Variants in MYLIP observed in about 807,000 individuals in gnomAD.
MYLIP encodes E3 ubiquitin-protein ligase MYLIP.
Under a neutral mutation model 45.8 loss-of-function variants are expected in MYLIP, and 26 were observed. The observed-to-expected ratio is 0.57, with a 90% CI of 0.42 to 0.79. The LOEUF is 0.79. Among genes scored for constraint, MYLIP ranks in the 30% least tolerant of loss-of-function variants. The probability of loss-of-function intolerance (pLI) is 0.00; values close to 1 mark genes in which losing one functional copy is unlikely to be tolerated. For missense variants in MYLIP, 494 were observed against 555.6 expected (o/e 0.89, Z 1.11); for synonymous variants, 213 against 218.1 (o/e 0.98, Z 0.21).
At chr6:16,130,845 T>C (rs1477547126) in intron 2 of MYLIP, 98 bp downstream of exon 2, 2 of 1,225,100 alleles carry the variant, frequency 1.6e-6, no homozygotes, top group Admixed American at 5.7e-5. Flanking sequence ...CAAGTTTGTT[T>C]TGATGCGGAG....
At position 16,145,278 on chromosome 6, in the gene MYLIP, C is replaced by T. The variant is rs145540269; in HGVS notation, c.1209C>T (p.Gly403=). 2.0e-5 allele frequency: 32 copies of T among 1,608,496 alleles called. No homozygotes were observed. Among genetic ancestry groups the T allele is most frequent in the Non-Finnish European group, 2.7e-5 (32 of 1,175,936 alleles). ...TCAACTCCACCTTCTGTCCCTGTGGCCACACTGTGTGCTGTGAGAGCTGCG... is the reference window on the plus strand; with the variant it reads ...TCAACTCCACCTTCTGTCCCTGTGGTCACACTGTGTGCTGTGAGAGCTGCG... ...EEINSTFCPC[G]HTVCCESCAA... Residue 403 remains glycine (G), a synonymous_variant, in exon 6 of 7, where the codon GGC becomes GGT. Coordinates refer to ENST00000356840, the MANE Select transcript of MYLIP (RefSeq NM_013262.4).
In MYLIP at chr6:16,142,824, T is replaced by C. The variant is rs1008094873; in HGVS notation, c.465-196T>C. 2.6e-5 allele frequency among the ~76,000 whole-genome samples: 4 copies of C among 152,262 alleles called. No individual in the cohort carries two copies. In the East Asian group the frequency reaches 5.8e-4, roughly 22 times the overall value. ...ATCCCCAAAGTGTTTTTACCAAGTA[T>C]TTAATAGTTGAGATCCCAGTGTCTT... is the stretch of plus-strand genomic sequence containing the variant. On this transcript the variant is annotated intron_variant, in intron 3 of 6. Transcript: ENST00000356840.
At chr6:16,144,742 A>T (rs1581608518) in intron 5 of MYLIP, among the ~76,000 whole-genome samples, 155 bp from the exon 6 acceptor site, 1 of 152,338 alleles carries the variant, frequency 6.6e-6, no homozygotes, top group Non-Finnish European at 1.5e-5. Context: ...ATCACTGAGA[A>T]TATTTACCAG....
At chr6:16,135,283 G>A (rs930003198) in intron 2 of MYLIP, among the ~76,000 whole-genome samples, 2 of 152,206 alleles carry the variant, frequency 1.3e-5, no homozygotes, top group Non-Finnish European at 2.9e-5. Flanking sequence ...TGTTTGCCTA[G>A]GATGGGGATC....
Position 16,130,630 on chromosome 6 carries a change from T to C in MYLIP, c.161T>C (p.Leu54Ser). ...TTTACGGGTAGCAAAGGTGAAAGTT[T>C]ATGGCTAAACCTGAGAAACCGGATC... is the stretch of plus-strand genomic sequence containing the variant. ...LQFTGSKGES[L>S]WLNLRNRISQ... Residue 54 changes from leucine to serine, a missense_variant, in exon 2 of 7, where the codon TTA (leucine) becomes TCA (serine). Transcript: ENST00000356840. The C allele has an allele frequency of 6.2e-7, 1 of 1,614,204 alleles. No homozygotes were observed. The highest frequency in any genetic ancestry group is 8.5e-7 in the Non-Finnish European group (1 of 1,180,030).
the MYLIP span, among the ~76,000 whole-genome samples, chr6:16,161,764 T>A: frequency 6.6e-6 from 1 of 152,228 alleles, no homozygotes; most frequent in Non-Finnish European, 1.5e-5. Flanking sequence ...TATTTCCTTA[T>A]ATTATCCGTA....
intron 4 of MYLIP, among the ~76,000 whole-genome samples, 153 bp downstream of exon 4, chr6:16,143,370 A>G (rs1339588923): frequency 1.3e-5 from 2 of 152,246 alleles, no homozygotes; most frequent in Non-Finnish European, 2.9e-5. Context: ...TCAGGCCTAA[A>G]TAACCATTTT....
the MYLIP span, among the ~76,000 whole-genome samples, chr6:16,162,785 T>TAAAA: frequency 6.9e-4 from 48 of 69,600 alleles, 5 homozygotes; most frequent in African/African-American, 3.7e-3. Flanking sequence ...ACCTCAACTC[T>TAAAA]AAAAAAAAAA....
chr6:16,130,457 A>C (rs1167644569), intron 1 of MYLIP, 100 bp from the exon 2 acceptor site: 2 of 1,222,856 alleles, frequency 1.6e-6, no homozygotes, highest in Non-Finnish European at 2.3e-6. Context: ...ACACCATTGA[A>C]CTTTGTAAAA....
rs11968699 is a variant in MYLIP at position 16,138,327 on chromosome 6, A to G, written c.279-3298A>G. On this transcript the variant is annotated intron_variant, in intron 2 of 6. Coordinates refer to ENST00000356840, the MANE Select transcript of MYLIP (RefSeq NM_013262.4). ...AACATTTTGCCTACTTTACAAAAAA[A>G]AAAAGGAGGGGGCAAAACCCAGGAG... is the stretch of plus-strand genomic sequence containing the variant. Among the ~76,000 whole-genome samples the G allele has an allele frequency of 6.3e-3, 957 of 152,206 alleles. 14 individuals are homozygous for G. Among genetic ancestry groups the G allele is most frequent in the African/African-American group, 0.02 (837 of 41,522 alleles).
chr6:16,147,044 C>T lies in MYLIP; in HGVS notation c.*293C>T, dbSNP rs1179334711. 1 of 232,674 alleles carries T rather than the reference C, an allele frequency of 4.3e-6. No homozygotes were observed. Among genetic ancestry groups the T allele is most frequent in the Non-Finnish European group, 8.6e-6 (1 of 116,304 alleles). 14.4% of individuals were successfully genotyped at this position (232,674 alleles called of 1,614,324 possible). A position where few individuals can be genotyped will look rare whatever the true frequency, so the allele number is the denominator to read the frequency against. ...AAGGAATAGGTAAAGTCTTTGATGTCAGTGAAGTGGCAACATAGCCAAAAA... is the reference window on the plus strand; with the variant it reads ...AAGGAATAGGTAAAGTCTTTGATGTTAGTGAAGTGGCAACATAGCCAAAAA... On this transcript the variant is annotated 3_prime_UTR_variant, in exon 7 of 7. Transcript: ENST00000356840.
At chr6:16,159,427 A>C in the MYLIP span, among the ~76,000 whole-genome samples, 1 of 152,168 alleles carries the variant, frequency 6.6e-6, no homozygotes, top group East Asian at 1.9e-4. Flanking sequence ...CACTGTAAGT[A>C]TTGTGGAACA....
chr6:16,150,891 C>T (rs887509516), downstream of MYLIP, among the ~76,000 whole-genome samples: 7 of 152,108 alleles, frequency 4.6e-5, no homozygotes, highest in African/African-American at 7.2e-5. Context: ...TCGAATGCAA[C>T]GCTGGGAAGT....
At chr6:16,158,197 A>C in the MYLIP span, among the ~76,000 whole-genome samples, 1 of 152,256 alleles carries the variant, frequency 6.6e-6, no homozygotes, top group African/African-American at 2.4e-5. Context: ...TTAATTGAGC[A>C]AAAGCACACC....
the MYLIP span, among the ~76,000 whole-genome samples, chr6:16,162,647 T>C: frequency 6.6e-6 from 1 of 151,992 alleles, no homozygotes; most frequent in South Asian, 2.1e-4. Context: ...TGTTTGTACT[T>C]ATATAATGAA....
downstream of MYLIP, among the ~76,000 whole-genome samples, chr6:16,153,078 G>A (rs1412133252): frequency 6.6e-6 from 1 of 152,194 alleles, no homozygotes; most frequent in Middle Eastern, 3.2e-3. Flanking sequence ...GGGTTCCTCA[G>A]TTCTGTTCAC....
the MYLIP span, among the ~76,000 whole-genome samples, chr6:16,158,423 A>G: frequency 6.6e-6 from 1 of 152,248 alleles, no homozygotes; most frequent in African/African-American, 2.4e-5. Flanking sequence ...CATCAGATAT[A>G]TATGAAAACA....
At chr6:16,143,270 T>A in intron 4 of MYLIP, 53 bp downstream of exon 4, 1 of 1,537,292 alleles carries the variant, frequency 6.5e-7, no homozygotes, top group Non-Finnish European at 9.0e-7. Flanking sequence ...CATCTGTAGC[T>A]GTCAATGTAA....
At chr6:16,148,434 G>A (rs1277178751), downstream of MYLIP, among the ~76,000 whole-genome samples, 1 of 148,880 alleles carries the variant, frequency 6.7e-6, no homozygotes, top group African/African-American at 2.5e-5. Context: ...TGATCCTTGA[G>A]AGTATAGTCT....
Sources: allele counts gnomAD v4.1 joint callset (sites outside exome capture counted in the v4.1 genomes callset), GRCh38; gene constraint gnomAD v4.1.1; transcripts MANE v1.5; gene names NCBI Gene and HGNC (gene_info 2026-07-23, HGNC 2026-07-21).